PCDH9: variants seen among roughly 807,000 people sequenced by gnomAD.
PCDH9 encodes protocadherin 9.
PCDH9 carries 24 observed loss-of-function variants against 70.6 expected under a neutral mutation model. That is an observed-to-expected ratio of 0.34 (90% CI 0.25 to 0.48). The LOEUF (loss-of-function observed/expected upper bound fraction) is 0.48, where lower values mean the gene tolerates loss of function less well. Ranked by LOEUF, PCDH9 falls within the 20% of genes least tolerant of loss-of-function variation. PCDH9 has a pLI of 0.99. For synonymous variants in PCDH9, 562 were observed against 558.5 expected (o/e 1.01, Z -0.09); for missense variants, 1,281 against 1,503.6 (o/e 0.85, Z 2.45).
At chr13:66,788,188 T>C (rs2080108894) in intron 3 of PCDH9, among the ~76,000 whole-genome samples, 1 of 152,120 alleles carries the variant, frequency 6.6e-6, no homozygotes, top group Non-Finnish European at 1.5e-5. Context: ...TCTTGTTACA[T>C]CCTCACATGG....
At chr13:66,348,586 TGACATGTTGG>T (rs1243576378) in intron 4 of PCDH9, among the ~76,000 whole-genome samples, 1 of 151,868 alleles carries the variant, frequency 6.6e-6, no homozygotes, top group Admixed American at 6.6e-5. Flanking sequence ...GACAAGGTTT[TGACATGTTGG>T]TCAGGCTGGT....
At chr13:66,447,938 C>G (rs1473061270) in intron 4 of PCDH9, among the ~76,000 whole-genome samples, 1 of 152,052 alleles carries the variant, frequency 6.6e-6, no homozygotes, top group Non-Finnish European at 1.5e-5. Context: ...GTTTGGAGAA[C>G]AAGAAGAAGA....
At chr13:66,780,221 G>A (rs1279378324) in intron 3 of PCDH9, among the ~76,000 whole-genome samples, 13 of 152,058 alleles carry the variant, frequency 8.5e-5, no homozygotes, top group Non-Finnish European at 1.5e-4. Flanking sequence ...TACCTTAACT[G>A]TAGACAATAA....
In PCDH9 at chr13:67,180,337, A is replaced by AT. The variant is rs559327317; in HGVS notation, c.3036+45067dup. Among the ~76,000 whole-genome samples, 589 of 147,730 alleles carry AT rather than the reference A, an allele frequency of 4.0e-3. 2 individuals are homozygous for AT. Among genetic ancestry groups the AT allele is most frequent in the African/African-American group, 5.6e-3 (228 of 40,492 alleles). On this transcript the variant is annotated intron_variant, in intron 2 of 4. Coordinates refer to ENST00000377865, the MANE Select transcript of PCDH9 (RefSeq NM_203487.3). ...TATGTCGCTAGCGCCAATTTTGAGG[A>AT]TTTTTTTTTTTACAGTTACACCATT... is the stretch of plus-strand genomic sequence containing the variant.
rs181538520 is a variant in PCDH9 at position 66,803,078 on chromosome 13, G to T, written c.3138+100426C>A. On this transcript the variant is annotated intron_variant, in intron 3 of 4. Transcript: ENST00000377865. ...ATAGAATCAACTCTGACTACACACA[G>T]TGTCAAGGTTGAATTTCATTCCTAT... 3.3e-5 allele frequency among the ~76,000 whole-genome samples: 5 copies of T among 150,326 alleles called. No individual in the cohort carries two copies. In the East Asian group the frequency reaches 1.0e-3, roughly 30 times the overall value.
rs1034436552 is a variant in PCDH9 at position 66,509,545 on chromosome 13, C to G, written c.3340+121665G>C. On this transcript the variant is annotated intron_variant, in intron 4 of 4. Transcript: ENST00000377865. ...AATGTTTCCACTGGCTCACCCCAAT[C>G]GTTAAAAATCTTTTCACCTTTTGTT... Among the ~76,000 whole-genome samples the G allele has an allele frequency of 2.0e-5, 3 of 152,284 alleles. No individual in the cohort carries two copies. The South Asian group carries it at 6.2e-4, about 32-fold the overall frequency.
intron 3 of PCDH9, among the ~76,000 whole-genome samples, chr13:66,721,183 T>A (rs1214893123): frequency 6.6e-6 from 1 of 152,206 alleles, no homozygotes; most frequent in East Asian, 1.9e-4. Context: ...TGATGATATT[T>A]GACTAATTTG....
chr13:66,945,497 C>T (rs973988060), intron 2 of PCDH9, among the ~76,000 whole-genome samples: 4 of 152,148 alleles, frequency 2.6e-5, no homozygotes, highest in Admixed American at 6.6e-5. Flanking sequence ...TCCTAAAATA[C>T]TGTTACTTAC....
chr13:66,823,725 G>A lies in PCDH9; in HGVS notation c.3138+79779C>T, dbSNP rs963756561. 2.7e-4 allele frequency among the ~76,000 whole-genome samples: 41 copies of A among 152,098 alleles called. 1 individual carries two copies. The highest frequency in any genetic ancestry group is 2.2e-4 in the Non-Finnish European group (15 of 67,950). ...GTATATTTGGTTCATCTCAGCATTGGTGCTATAAATTAAATATTCTAAATA... is the reference window on the plus strand; with the variant it reads ...GTATATTTGGTTCATCTCAGCATTGATGCTATAAATTAAATATTCTAAATA... On this transcript the variant is annotated intron_variant, in intron 3 of 4. Coordinates refer to ENST00000377865, the MANE Select transcript of PCDH9 (RefSeq NM_203487.3).
intron 3 of PCDH9, among the ~76,000 whole-genome samples, chr13:66,743,666 C>G (rs564564967): frequency 6.6e-6 from 1 of 152,042 alleles, no homozygotes; most frequent in Non-Finnish European, 1.5e-5. Context: ...ACTATAAAAA[C>G]AAATATGAGT....
intron 3 of PCDH9, among the ~76,000 whole-genome samples, chr13:66,871,882 T>C (rs144694528): frequency 2.0e-5 from 3 of 152,132 alleles, no homozygotes; most frequent in Non-Finnish European, 4.4e-5. Flanking sequence ...TCCTCTACTT[T>C]CATTGCATAA....
chr13:66,989,303 C>G (rs1365106031), intron 2 of PCDH9, among the ~76,000 whole-genome samples: 1 of 151,908 alleles, frequency 6.6e-6, no homozygotes, highest in African/African-American at 2.4e-5. Flanking sequence ...TTTTCCACAT[C>G]TGGCCCACCA....
intron 4 of PCDH9, among the ~76,000 whole-genome samples, chr13:66,322,435 G>T (rs1310890851): frequency 6.6e-6 from 1 of 152,008 alleles, no homozygotes; most frequent in Non-Finnish European, 1.5e-5. Flanking sequence ...TTGAGTGGCA[G>T]CACTAAGGGA....
chr13:66,906,897 T>TA (rs1478198626), intron 2 of PCDH9, among the ~76,000 whole-genome samples: 1 of 152,070 alleles, frequency 6.6e-6, no homozygotes. Flanking sequence ...CAGCATTTTC[T>TA]AAAAAAAGAT....
intron 4 of PCDH9, among the ~76,000 whole-genome samples, chr13:66,425,719 G>A (rs760310827): frequency 6.6e-6 from 1 of 151,674 alleles, no homozygotes; most frequent in Non-Finnish European, 1.5e-5. Flanking sequence ...ATATTGTCTA[G>A]GTACAGAACA....
At chr13:67,038,670 T>C (rs2085054275) in intron 2 of PCDH9, among the ~76,000 whole-genome samples, 5 of 152,248 alleles carry the variant, frequency 3.3e-5, no homozygotes, top group Admixed American at 3.3e-4. Context: ...CTCTTCTTCA[T>C]ACTATTGTGA....
At chr13:67,189,040 G>A (rs1405248817) in intron 2 of PCDH9, among the ~76,000 whole-genome samples, 1 of 151,774 alleles carries the variant, frequency 6.6e-6, no homozygotes, top group South Asian at 2.1e-4. Flanking sequence ...AACATACGAC[G>A]TTTGGTTTTC....
At chr13:67,037,138 C>T (rs1009550929) in intron 2 of PCDH9, among the ~76,000 whole-genome samples, 2 of 152,176 alleles carry the variant, frequency 1.3e-5, no homozygotes, top group African/African-American at 4.8e-5. Context: ...AAATCCTACA[C>T]TATTTTCTGG....
intron 4 of PCDH9, among the ~76,000 whole-genome samples, chr13:66,537,422 T>C (rs1960753778): frequency 6.6e-6 from 1 of 152,008 alleles, no homozygotes; most frequent in Non-Finnish European, 1.5e-5. Context: ...ATAAGATCAG[T>C]TGATATATTA....
Sources: gnomAD v4.1 joint callset for allele counts (sites outside exome capture counted in the v4.1 genomes callset) on GRCh38, gnomAD v4.1.1 for gene constraint, MANE v1.5 for transcripts, NCBI Gene and HGNC (gene_info 2026-07-23, HGNC 2026-07-21) for gene names.